The following HDAC4 variants were observed in gnomAD, a reference collection of about 807,000 sequenced individuals.
HDAC4 encodes histone deacetylase 4, also known as histone deacetylase A.
A neutral mutation model predicts 135.1 loss-of-function variants in HDAC4; 16 were observed. That is an observed-to-expected ratio of 0.12 (90% confidence interval 0.08 to 0.18). The LOEUF (loss-of-function observed/expected upper bound fraction) is 0.18, where lower values mean the gene tolerates loss of function less well. HDAC4 is among the 10% of genes least tolerant of loss of function. The pLI, the probability that HDAC4 is intolerant of heterozygous loss-of-function variation, is 1.00. For missense variants in HDAC4, 1,143 were observed against 1,511.8 expected, an observed-to-expected ratio of 0.76 and a Z score of 4.05; for synonymous variants, 685 against 653.4, an observed-to-expected ratio of 1.05 and a Z score of -0.74.
chr2:239,390,802 G>C (rs1696147930), intron 1 of HDAC4, among the ~76,000 whole-genome samples: 1 of 152,198 alleles, frequency 6.6e-6, no homozygotes, highest in Non-Finnish European at 1.5e-5. Context: ...AGCCTCCCTT[G>C]AGACACTGCA....
intron 4 of HDAC4, 107 bp from the exon 5 acceptor site, chr2:239,176,670 G>A: frequency 9.7e-7 from 1 of 1,036,246 alleles, no homozygotes; most frequent in Non-Finnish European, 1.4e-6. Flanking sequence ...GTCTGCCCTG[G>A]TGTGGCCCTG....
intron 1 of HDAC4, among the ~76,000 whole-genome samples, chr2:239,377,232 C>T (rs1343024027): frequency 2.0e-5 from 3 of 151,892 alleles, no homozygotes; most frequent in Non-Finnish European, 4.4e-5. Context: ...TGCCCCAGCT[C>T]AGGCGTCGCC....
At chr2:239,335,574 C>G (rs1575710389) in intron 2 of HDAC4, among the ~76,000 whole-genome samples, 1 of 137,714 alleles carries the variant, frequency 7.3e-6, no homozygotes, top group Non-Finnish European at 1.6e-5. Context: ...TAGAAAATAG[C>G]AACAAACAAC....
chr2:239,060,507 C>T (rs1039278950), intron 24 of HDAC4, among the ~76,000 whole-genome samples: 1 of 152,216 alleles, frequency 6.6e-6, no homozygotes, highest in Non-Finnish European at 1.5e-5. Flanking sequence ...GCTGCTCTGC[C>T]GTGGCGGTCA....
chr2:239,234,901 C>T (rs2047793341), intron 3 of HDAC4, among the ~76,000 whole-genome samples: 1 of 152,202 alleles, frequency 6.6e-6, no homozygotes, highest in African/African-American at 2.4e-5. Flanking sequence ...AGAAAATCCT[C>T]TTACCCTCGT....
chr2:239,071,338 C>T (rs1283787234), intron 22 of HDAC4, among the ~76,000 whole-genome samples: 1 of 152,054 alleles, frequency 6.6e-6, no homozygotes, highest in African/African-American at 2.4e-5. Flanking sequence ...TCGCTTGAAC[C>T]CAGGAGGCAG....
At chr2:239,062,928 T>C (rs1420230028) in intron 24 of HDAC4, among the ~76,000 whole-genome samples, 1 of 152,134 alleles carries the variant, frequency 6.6e-6, no homozygotes, top group Non-Finnish European at 1.5e-5. Context: ...CCCCTCTGGC[T>C]GGCGCAGGCC....
rs1486217370 is a variant in HDAC4 at position 239,218,706 on chromosome 2, C to T, written c.94+17887G>A. On this transcript the variant is annotated intron_variant, in intron 3 of 26. Coordinates refer to ENST00000543185, the MANE Select transcript of HDAC4 (RefSeq NM_001378414.1). ...AACCTACAAAATGGGAGAAAATTTTCGCAACCTACTCATCTGACAAAGGGC... is the reference window on the plus strand; with the variant it reads ...AACCTACAAAATGGGAGAAAATTTTTGCAACCTACTCATCTGACAAAGGGC... Among the ~76,000 whole-genome samples, 8 of 139,104 alleles carry T rather than the reference C, an allele frequency of 5.8e-5. No individual in the cohort carries two copies. The South Asian group carries it at 1.5e-3, about 26-fold the overall frequency. The allele number at this position is 139,104 out of a possible 152,430, so 91.3% of individuals were successfully genotyped here.
chr2:239,277,676 G>A (rs1165520165), intron 2 of HDAC4, among the ~76,000 whole-genome samples: 1 of 152,140 alleles, frequency 6.6e-6, no homozygotes, highest in Non-Finnish European at 1.5e-5. Flanking sequence ...CGCCCAGCCT[G>A]GTGTAGCCAC....
At chr2:239,209,382 G>A (rs2046242064) in intron 3 of HDAC4, among the ~76,000 whole-genome samples, 1 of 152,210 alleles carries the variant, frequency 6.6e-6, no homozygotes, top group South Asian at 2.1e-4. Flanking sequence ...GTCCCAAAGA[G>A]GGTAGATGCA....
At chr2:239,290,177 T>C (rs1276204496) in intron 2 of HDAC4, among the ~76,000 whole-genome samples, 2 of 152,162 alleles carry the variant, frequency 1.3e-5, no homozygotes, top group East Asian at 3.8e-4. Context: ...ATATCAACAT[T>C]TTTACTAAAT....
rs543447037 is a variant in HDAC4 at position 239,352,427 on chromosome 2, C to G, written c.22+251G>C. Among the ~76,000 whole-genome samples, 9 of 152,298 alleles carry G rather than the reference C, an allele frequency of 5.9e-5. No homozygotes were observed. The highest frequency in any genetic ancestry group is 1.0e-4 in the Non-Finnish European group (7 of 68,028). The stretch of plus-strand genomic sequence containing the variant: ...AAAAAGCATCGAGGAAACCTGTGTG[C>G]CTCTCAAGTCAGCCTGCAAACCGGG... On this transcript the variant is annotated intron_variant, in intron 2 of 26. Transcript: ENST00000543185. This position sits in a 1 kb window ranked among gnomAD's most constrained non-coding sequence, Gnocchi z 4.4.
chr2:239,053,264 G>C (rs531912403), intron 26 of HDAC4, 128 bp from the exon 27 acceptor site: 1 of 1,360,578 alleles, frequency 7.3e-7, no homozygotes, highest in African/African-American at 1.4e-5. Context: ...TGGCAGCCCC[G>C]GGTCCATCTG....
At chr2:239,363,498 G>C (rs1490584483) in intron 1 of HDAC4, among the ~76,000 whole-genome samples, 1 of 152,190 alleles carries the variant, frequency 6.6e-6, no homozygotes, top group Non-Finnish European at 1.5e-5. Flanking sequence ...GGGAAAACAG[G>C]GTCTTTTCAA....
chr2:239,118,246 C>T lies in HDAC4; in HGVS notation c.1534-2936G>A, dbSNP rs978546310. ...TTCTTTCTAAGAGCAGTTTAAAGTA[C>T]GGCAGTAAAAGCCGAGTGAAGAAAA... is the stretch of plus-strand genomic sequence containing the variant. On this transcript the variant is annotated intron_variant, in intron 12 of 26. Coordinates refer to ENST00000543185, the MANE Select transcript of HDAC4 (RefSeq NM_001378414.1). Among the ~76,000 whole-genome samples, 7 of 152,180 alleles carry T rather than the reference C, an allele frequency of 4.6e-5. 1 individual carries two copies. The highest frequency in any genetic ancestry group is 2.6e-4 in the Admixed American group (4 of 15,268).
intron 12 of HDAC4, among the ~76,000 whole-genome samples, chr2:239,125,600 G>C (rs539264942): frequency 1.3e-5 from 2 of 152,322 alleles, no homozygotes; most frequent in Non-Finnish European, 2.9e-5. Context: ...CAGAGCTGTG[G>C]GGCCATGTGG....
At chr2:239,297,733 G>A (rs2051999053) in intron 2 of HDAC4, among the ~76,000 whole-genome samples, 1 of 152,128 alleles carries the variant, frequency 6.6e-6, no homozygotes, top group Non-Finnish European at 1.5e-5. Flanking sequence ...GCACCCTCTG[G>A]GCTCAGCCCC....
chr2:239,080,660 C>T (rs756293464), intron 22 of HDAC4, among the ~76,000 whole-genome samples: 9 of 152,232 alleles, frequency 5.9e-5, no homozygotes, highest in Non-Finnish European at 1.0e-4. Flanking sequence ...AGGGCGACAA[C>T]TGCCTTTGAT....
chr2:239,121,974 G>T (rs1469203201), intron 12 of HDAC4, among the ~76,000 whole-genome samples: 2 of 152,212 alleles, frequency 1.3e-5, no homozygotes, highest in Non-Finnish European at 2.9e-5. Flanking sequence ...TGTGCAGCCC[G>T]AAGGCCTTGG....
Sources: gnomAD v4.1 joint callset for allele counts (sites outside exome capture counted in the v4.1 genomes callset) on GRCh38, gnomAD v4.1.1 for gene constraint, Gnocchi (gnomAD v3.1) non-coding constraint, MANE v1.5 for transcripts, NCBI Gene and HGNC (gene_info 2026-07-23, HGNC 2026-07-21) for gene names.